ABCB4: variants seen among roughly 807,000 people sequenced by gnomAD.
ABCB4 encodes phosphatidylcholine translocator ABCB4.
In ABCB4, 76 loss-of-function variants were observed where a neutral mutation model predicts 145.7. The ratio of observed to expected loss-of-function variants is 0.52; its 90% confidence interval spans 0.43 to 0.63. The LOEUF (loss-of-function observed/expected upper bound fraction) is 0.63. ABCB4 is among the 30% of genes least tolerant of loss of function. ABCB4 has a pLI of 0.00. For missense variants in ABCB4, 1,234 were observed against 1,553.1 expected, an observed-to-expected ratio of 0.79 and a Z score of 3.45; for synonymous variants, 517 against 566.8, an observed-to-expected ratio of 0.91 and a Z score of 1.25.
the ABCB4 span, among the ~76,000 whole-genome samples, chr7:87,378,477 G>C: frequency 1.3e-5 from 2 of 152,156 alleles, no homozygotes; most frequent in Non-Finnish European, 2.9e-5. Context: ...TTTGGGTAAA[G>C]CTGACTTCAA....
rs562098508 is a variant in ABCB4, at chr7:87,448,118, A to AT, written c.834-914dup. Among the ~76,000 whole-genome samples, 23 of 152,112 alleles carry AT rather than the reference A, an allele frequency of 1.5e-4. No individual in the cohort carries two copies. In the East Asian group the frequency reaches 3.9e-3, roughly 26 times the overall value. On this transcript the variant is annotated intron_variant, in intron 8 of 27. Transcript: ENST00000649586. ...TCTAGAATGATTCTGTTAAATTACAATTTTTTTTCATCAAGTTAAATCAAA... is the reference window on the plus strand; with the variant it reads ...TCTAGAATGATTCTGTTAAATTACAATTTTTTTTTCATCAAGTTAAATCAAA...
chr7:87,453,400 T>A (rs1811892031), intron 5 of ABCB4, among the ~76,000 whole-genome samples: 1 of 152,066 alleles, frequency 6.6e-6, no homozygotes, highest in Admixed American at 6.5e-5. Flanking sequence ...GCCAGGCTGG[T>A]CTCGAACTCC....
chr7:87,419,498 TAAAC>T (rs571521318), intron 19 of ABCB4, among the ~76,000 whole-genome samples: 147 of 152,310 alleles, frequency 9.7e-4, no homozygotes, highest in African/African-American at 2.9e-3. Flanking sequence ...AATGTTTGAA[TAAAC>T]AAACAAGTGA....
At position 87,465,417 on chromosome 7, in the gene ABCB4, T is replaced by A. The variant is rs116755412; in HGVS notation, c.136-2509A>T. Among the ~76,000 whole-genome samples the A allele has an allele frequency of 7.7e-3, 1,171 of 152,272 alleles. 14 individuals carry two copies. The highest frequency in any genetic ancestry group is 0.027 in the African/African-American group (1,125 of 41,530). On this transcript the variant is annotated intron_variant, in intron 3 of 27. Transcript: ENST00000649586. ...GTAAACAAAGCGGCCAGGAACTGGG[T>A]GGAGCCCACCACAGCTCAAAGAGAC...
chr7:87,387,329 T>A, the ABCB4 span, among the ~76,000 whole-genome samples: 1 of 152,126 alleles, frequency 6.6e-6, no homozygotes, highest in African/African-American at 2.4e-5. Context: ...AGTATAATTA[T>A]CAGTAAATTT....
intron 20 of ABCB4, among the ~76,000 whole-genome samples, chr7:87,417,866 A>G (rs763255876): frequency 4.6e-5 from 7 of 152,268 alleles, no homozygotes; most frequent in Non-Finnish European, 7.3e-5. Context: ...TTTAAAGACC[A>G]TTTAATTCAA....
At chr7:87,455,130 G>A (rs1001238809) in intron 4 of ABCB4, among the ~76,000 whole-genome samples, 12 of 152,144 alleles carry the variant, frequency 7.9e-5, no homozygotes, top group African/African-American at 2.7e-4. Flanking sequence ...CGCAAAGGAG[G>A]AAAAACTAGA....
intron 14 of ABCB4, among the ~76,000 whole-genome samples, chr7:87,436,570 A>T (rs1404837646): frequency 6.6e-6 from 1 of 152,216 alleles, no homozygotes; most frequent in Admixed American, 6.5e-5. Context: ...AGAAACATGC[A>T]AAGAAATCCA....
chr7:87,379,964 A>C, the ABCB4 span, among the ~76,000 whole-genome samples: 2 of 152,114 alleles, frequency 1.3e-5, no homozygotes, highest in Admixed American at 1.3e-4. Flanking sequence ...ATAAAAAATT[A>C]GTTGGGCATG....
Position 87,409,360 on chromosome 7 carries a change from G to A in ABCB4, c.2957C>T (p.Ala986Val), listed in dbSNP as rs1283009866. Residue 986 changes from alanine to valine, a missense_variant, in exon 24 of 28, where the codon GCT (alanine) becomes GTT (valine). Ala to Val is a moderately conservative substitution (Grantham distance 64, BLOSUM62 0). This residue lies in a region of ABCB4 where 301 missense variants were observed against 389.0 expected (regional missense o/e 0.77). Transcript: ENST00000649586. ...VFSAIVFGAV[A>V]LGHASSFAPD... ...AGCAAATGAACTGGCATGTCCTAGA[G>A]CCACTGCACCAAATACAATTGCAGA... The A allele has an allele frequency of 3.1e-6, 5 of 1,614,036 alleles. No individual in the cohort carries two copies. Among genetic ancestry groups the A allele is most frequent in the Non-Finnish European group, 4.2e-6 (5 of 1,179,942 alleles).
downstream of ABCB4, among the ~76,000 whole-genome samples, chr7:87,397,819 T>G (rs1009052460): frequency 4.6e-5 from 7 of 152,236 alleles, no homozygotes; most frequent in African/African-American, 1.7e-4. Context: ...TTAAGTGATG[T>G]GAAAATTGCA....
At chr7:87,369,643 A>G in the ABCB4 span, 4 of 324,712 alleles carry the variant, frequency 1.2e-5, no homozygotes, top group African/African-American at 2.2e-5. Flanking sequence ...TTTTATTTAA[A>G]TTATTTTTAA....
chr7:87,393,190 C>A, the ABCB4 span: 11 of 1,099,952 alleles, frequency 1.0e-5, no homozygotes, highest in Non-Finnish European at 1.3e-5. Context: ...ACATAAGTAA[C>A]TATTTTTTTC....
intron 27 of ABCB4, 95 bp downstream of exon 27, chr7:87,403,040 C>T: frequency 3.0e-6 from 4 of 1,319,878 alleles, no homozygotes; most frequent in Non-Finnish European, 3.3e-6. Context: ...CTGTGTTTTT[C>T]CCCCTGTGCT....
At chr7:87,464,655 G>T (rs916671668) in intron 3 of ABCB4, among the ~76,000 whole-genome samples, 2 of 152,194 alleles carry the variant, frequency 1.3e-5, no homozygotes, top group Admixed American at 6.5e-5. Flanking sequence ...TGATTTTCCA[G>T]AAAATAATAT....
At chr7:87,410,594 T>C (rs1350845023) in intron 23 of ABCB4, among the ~76,000 whole-genome samples, 1 of 152,216 alleles carries the variant, frequency 6.6e-6, no homozygotes, top group Non-Finnish European at 1.5e-5. Flanking sequence ...GTTCTCAATA[T>C]TTTTTATACA....
chr7:87,439,818 CCAACCAGGGTGT>C lies in ABCB4; in HGVS notation c.1568_1579del (p.Asp523_Val526del). The stretch of plus-strand genomic sequence containing the variant: ...ACCACTCAGCTGGGCCCCTCTCTCT[CCAACCAGGGTGT>C]CAAATTTCTAACACAGAAAACATGG... On this transcript the variant is annotated inframe_deletion, in exon 14 of 28. Transcript: ENST00000649586. The C allele has an allele frequency of 6.2e-7, 1 of 1,614,160 alleles. No individual in the cohort carries two copies.
intron 2 of ABCB4, among the ~76,000 whole-genome samples, chr7:87,473,958 C>T (rs2116996548): frequency 6.6e-6 from 1 of 152,286 alleles, no homozygotes; most frequent in South Asian, 2.1e-4. Context: ...TTGATTGAAG[C>T]AGGCTTAACT....
intron 21 of ABCB4, 21 bp downstream of exon 21, chr7:87,417,291 T>A (rs748258769): frequency 6.2e-7 from 1 of 1,611,336 alleles, no homozygotes. Flanking sequence ...TTAACACCAA[T>A]TGAAATCTTA....
Sources: gnomAD v4.1 joint callset for allele counts (sites outside exome capture counted in the v4.1 genomes callset) on GRCh38, gnomAD v4.1.1 for gene constraint, gnomAD v4.1.1 regional missense constraint, MANE v1.5 for transcripts, NCBI Gene and HGNC (gene_info 2026-07-23, HGNC 2026-07-21) for gene names.